The following MYBBP1A variants were observed in gnomAD, a reference collection of about 807,000 sequenced individuals.
MYBBP1A encodes the protein myb-binding protein 1A.
A neutral mutation model predicts 136.3 loss-of-function variants in MYBBP1A; 147 were observed. The observed-to-expected ratio is 1.08, with a 90% CI of 0.94 to 1.24. MYBBP1A has a LOEUF of 1.24. Among genes scored for constraint, MYBBP1A ranks in the 50% most tolerant of loss-of-function variants. MYBBP1A has a pLI of 0.00. For synonymous variants in MYBBP1A, 947 were observed against 735.8 expected, an observed-to-expected ratio of 1.29 and a Z score of -4.65; for missense variants, 2,060 against 1,727.4, an observed-to-expected ratio of 1.19 and a Z score of -3.41.
Position 4,538,988 on chromosome 17 carries a change from G to C in MYBBP1A, c.*427C>G. The C allele has an allele frequency of 1.2e-6, 1 of 803,280 alleles. No individual in the cohort carries two copies. The highest frequency in any genetic ancestry group is 2.3e-6 in the Non-Finnish European group (1 of 438,538). The allele number at this position is 803,280 out of a possible 1,614,324, so 49.8% of individuals were successfully genotyped here. A position where few individuals can be genotyped will look rare whatever the true frequency, so the allele number is the denominator to read the frequency against. ...TGAATCTCAGAGTCTTAAGAGAGAA[G>C]CCAAATATATTCCTCTTGTAAATGA... On this transcript the variant is annotated 3_prime_UTR_variant, in exon 26 of 26. Coordinates refer to ENST00000254718, the MANE Select transcript of MYBBP1A (RefSeq NM_014520.4).
At chr17:4,545,208 C>T (rs1302558714) in intron 16 of MYBBP1A, 33 bp from the exon 17 acceptor site, 4 of 1,612,990 alleles carry the variant, frequency 2.5e-6, no homozygotes, top group Non-Finnish European at 8.5e-7. Flanking sequence ...TCACACACCT[C>T]CCCGATCGTC....
rs1245116792 is a variant in MYBBP1A at position 4,541,873 on chromosome 17, T to G, written c.3106A>C (p.Lys1036Gln). The change falls in exon 23 of 26, where the codon AAG becomes CAG. Residue 1036 changes from lysine to glutamine, a missense_variant. By Grantham distance (53) the Lys-to-Gln change is moderately conservative. Coordinates refer to ENST00000254718, the MANE Select transcript of MYBBP1A (RefSeq NM_014520.4). Reference sequence around the variant, plus strand: ...CTCACCTCCCGCATGGACAGGGTCTTCTGGAGCAGCAGGCAGGCCTGTGGG... The same window carrying G: ...CTCACCTCCCGCATGGACAGGGTCTGCTGGAGCAGCAGGCAGGCCTGTGGG... ...PRHQACLLLQ[K>Q]TLSMREVRSC... The G allele has an allele frequency of 6.2e-7, 1 of 1,613,692 alleles. No individual in the cohort carries two copies. The highest frequency in any genetic ancestry group is 1.3e-5 in the African/African-American group (1 of 74,948).
In MYBBP1A at chr17:4,545,930, T is replaced by C; in HGVS notation, c.1837A>G (p.Ser613Gly). The change falls in exon 14 of 26, where the codon AGC becomes GGC. Residue 613 changes from serine to glycine, a missense_variant. Physicochemically the swap from Ser to Gly is moderately conservative, Grantham distance 56. Transcript: ENST00000254718. The part of the protein sequence containing the change: ...GIHLLKSPAE[S>G]CDLLGDIQTC... The stretch of plus-strand genomic sequence containing the variant: ...TGGATGTCACCCAGCAGGTCACAGC[T>C]CTCTGCAGGGGACTGCGGGCAGGGT... 6.2e-7 allele frequency: 1 copy of C among 1,613,108 alleles called. No homozygotes were observed. The highest frequency in any genetic ancestry group is 8.5e-7 in the Non-Finnish European group (1 of 1,179,898).
At chr17:4,547,434 A>G (rs1907104149) in intron 13 of MYBBP1A, among the ~76,000 whole-genome samples, 1 of 152,214 alleles carries the variant, frequency 6.6e-6, no homozygotes, top group Non-Finnish European at 1.5e-5. Context: ...AAAGCTGGCA[A>G]GTAAGGCAAC....
intron 5 of MYBBP1A, among the ~76,000 whole-genome samples, chr17:4,553,250 C>T (rs1006113378): frequency 6.6e-6 from 1 of 152,258 alleles, no homozygotes. Flanking sequence ...CAAGACTGCA[C>T]AGTAAGCCCT....
chr17:4,547,993 G>C lies in MYBBP1A; in HGVS notation c.1789C>G (p.His597Asp). 1.3e-6 allele frequency: 2 copies of C among 1,533,330 alleles called. No individual in the cohort carries two copies. The highest frequency in any genetic ancestry group is 1.8e-6 in the Non-Finnish European group (2 of 1,137,432). The allele number at this position is 1,533,330 out of a possible 1,614,324, so 95.0% of individuals were successfully genotyped here. ...TGGATGCCCACGAGGAGCAGAAGGT[G>C]CTGGAAGGCAGCAGCCCTGGCCTCT... The part of the protein sequence containing the change: ...SAEARAAAFQ[H>D]LLLLVGIHLL... Residue 597 changes from histidine to aspartate, a missense_variant, in exon 13 of 26, where the codon CAC (histidine) becomes GAC (aspartate). His to Asp is a moderately conservative substitution (Grantham distance 81, BLOSUM62 -1). Transcript: ENST00000254718.
rs367941756 is a variant in MYBBP1A, at chr17:4,543,892, CA to C, written c.2639+596del. Among the ~76,000 whole-genome samples the C allele has an allele frequency of 8.1e-3, 1,236 of 152,180 alleles. 6 individuals are homozygous for C. The highest frequency in any genetic ancestry group is 0.016 in the African/African-American group (668 of 41,516). ...GGCAAACCAGACTCAGACCCTTCCC[CA>C]CGCCACTGCTCTTGCTGATAATGCC... On this transcript the variant is annotated intron_variant, in intron 19 of 25. Transcript: ENST00000254718.
rs868241082 is a variant in MYBBP1A at position 4,544,917 on chromosome 17, C to T, written c.2315G>A (p.Gly772Glu). 9 of 1,599,524 alleles carry T rather than the reference C, an allele frequency of 5.6e-6. No homozygotes were observed. In the South Asian group the frequency reaches 9.0e-5, roughly 16 times the overall value. Residue 772 changes from glycine (G) to glutamate (E), a missense_variant, in exon 18 of 26, where the codon GGA becomes GAA. Transcript: ENST00000254718. ...TVLQAGKALG[G>E]EDSENEEELG... ...CTCCTCCTCGTTCTCACTGTCCTCT[C>T]CACCCTGAGGGACAGAGGCCCAGCG...
Position 4,545,844 on chromosome 17 carries a change from A to G in MYBBP1A, c.1921+2T>C. 6.2e-7 allele frequency: 1 copy of G among 1,612,904 alleles called. No individual in the cohort carries two copies. The highest frequency in any genetic ancestry group is 8.5e-7 in the Non-Finnish European group (1 of 1,179,816). ...TAGTCCCTCTCGTGACCAAGGACCC[A>G]CCGATGGTCTTGGTGCGGCTCCGGC... On this transcript the variant is annotated splice_donor_variant, in intron 14 of 25. Coordinates refer to ENST00000254718, the MANE Select transcript of MYBBP1A (RefSeq NM_014520.4). LOFTEE classifies it high-confidence loss of function.
intron 25 of MYBBP1A, 113 bp downstream of exon 25, chr17:4,540,235 T>A (rs1347255259): frequency 7.4e-7 from 1 of 1,359,858 alleles, no homozygotes; most frequent in African/African-American, 1.7e-5. Flanking sequence ...TGCAGCAGCA[T>A]GCGTGTGCAG....
At chr17:4,547,528 G>T (rs7211078) in intron 13 of MYBBP1A, among the ~76,000 whole-genome samples, 50,462 of 152,078 alleles carry the variant, frequency 0.33, 9,716 homozygotes, top group African/African-American at 0.53. Flanking sequence ...AATAAGAGCA[G>T]CTTATGTCAT....
rs781613394 is a variant in MYBBP1A, at chr17:4,555,213, A to G, written c.112T>C (p.Phe38Leu). 22 of 1,611,674 alleles carry G rather than the reference A, an allele frequency of 1.4e-5. No individual in the cohort carries two copies. The East Asian group carries it at 4.7e-4, about 34-fold the overall frequency. Reference protein sequence around the residue: ...LLKHSREFLDFFWDIAKPEQE... With the variant: ...LLKHSREFLDLFWDIAKPEQE... ...TCAGGCTTCGCAATGTCCCAGAAGA[A>G]GTCCAAGAACTCGCGACTGTGCTTC... The change falls in exon 1 of 26, where the codon TTC (phenylalanine) becomes CTC (leucine). Residue 38 changes from phenylalanine to leucine, a missense_variant. By Grantham distance (22) the Phe-to-Leu change is conservative. Transcript: ENST00000254718.
chr17:4,540,316 C>G, intron 25 of MYBBP1A, 32 bp downstream of exon 25: 1 of 1,574,444 alleles, frequency 6.4e-7, no homozygotes, highest in Non-Finnish European at 8.6e-7. Flanking sequence ...CCAGCCCCTA[C>G]CCAAGGTGTG....
intron 15 of MYBBP1A, 95 bp downstream of exon 15, chr17:4,545,515 C>A (rs766901840): frequency 1.3e-6 from 2 of 1,512,360 alleles, no homozygotes; most frequent in East Asian, 2.3e-5. Context: ...CGCAGGCTCC[C>A]GGCAGGGAGG....
At position 4,542,390 on chromosome 17, in the gene MYBBP1A, C is replaced by CA. The variant is rs1310416156; in HGVS notation, c.3087+73dup. ...ACCAGGACAGCGCTCTGGGGCCTCA[C>CA]AATATCCAGTCAGAAGAGGGTTAAG... On this transcript the variant is annotated intron_variant, in intron 22 of 25. Transcript: ENST00000254718. The CA allele has an allele frequency of 5.3e-6, 8 of 1,495,928 alleles. No individual in the cohort carries two copies. The Admixed American group carries it at 1.6e-4, about 29-fold the overall frequency. The allele number at this position is 1,495,928 out of a possible 1,614,324, so 92.7% of individuals were successfully genotyped here.
intron 19 of MYBBP1A, among the ~76,000 whole-genome samples, chr17:4,543,506 G>A (rs1005161084): frequency 6.6e-6 from 1 of 152,186 alleles, no homozygotes; most frequent in African/African-American, 2.4e-5. Flanking sequence ...CGAGACAAGG[G>A]TTCATGTGCT....
In MYBBP1A at chr17:4,541,527, T is replaced by C. The variant is rs1906425434; in HGVS notation, c.3233A>G (p.Gln1078Arg). ...RVLGEAQTKA[Q>R]HQQALSSLEL... The stretch of plus-strand genomic sequence containing the variant: ...CAGGGAGGACAGTGCCTGCTGATGC[T>C]GCGCCTTGGTCTGCGCCTCCCCCAG... The change falls in exon 24 of 26, where the codon CAG (glutamine) becomes CGG (arginine). Residue 1078 changes from glutamine (Q) to arginine (R), a missense_variant. Gln to Arg is a conservative substitution (Grantham distance 43). Coordinates refer to ENST00000254718, the MANE Select transcript of MYBBP1A (RefSeq NM_014520.4). 1 of 1,613,444 alleles carries C rather than the reference T, an allele frequency of 6.2e-7. No individual in the cohort carries two copies. The highest frequency in any genetic ancestry group is 2.2e-5 in the East Asian group (1 of 44,888).
chr17:4,547,145 G>A (rs551369809), intron 13 of MYBBP1A, among the ~76,000 whole-genome samples: 36 of 152,050 alleles, frequency 2.4e-4, no homozygotes, highest in African/African-American at 8.0e-4. Context: ...TCCTGACCTC[G>A]TGATCACCTG....
At chr17:4,541,612 CCTTT>C (rs762690975) in intron 23 of MYBBP1A, 48 bp from the exon 24 acceptor site, 32 of 1,583,034 alleles carry the variant, frequency 2.0e-5, no homozygotes, top group Middle Eastern at 3.3e-4. Context: ...CTGCTCAAAG[CCTTT>C]CTGTTTCCCA....
Sources: gnomAD v4.1 joint callset for allele counts (sites outside exome capture counted in the v4.1 genomes callset) on GRCh38, gnomAD v4.1.1 for gene constraint, MANE v1.5 for transcripts, NCBI Gene and HGNC (gene_info 2026-07-23, HGNC 2026-07-21) for gene names.